Variants in POLR3A observed in about 807,000 individuals in gnomAD.
The protein encoded by POLR3A is DNA-directed RNA polymerase III subunit RPC1.
In POLR3A, 112 loss-of-function variants were observed where a neutral mutation model predicts 152.8. The observed-to-expected ratio is 0.73, with a 90% CI of 0.63 to 0.86. POLR3A has a LOEUF of 0.86. POLR3A is among the 40% of genes least tolerant of loss of function. The probability of loss-of-function intolerance (pLI) is 0.00; values close to 1 mark genes in which losing one functional copy is unlikely to be tolerated. For missense variants in POLR3A, 1,385 were observed against 1,743.1 expected (o/e 0.79, Z 3.66); for synonymous variants, 615 against 652.1 (o/e 0.94, Z 0.87).
chr10:78,005,891 C>T (rs2131946515), intron 15 of POLR3A, among the ~76,000 whole-genome samples: 1 of 152,300 alleles, frequency 6.6e-6, no homozygotes, highest in East Asian at 1.9e-4. Context: ...CAGTCAGCTC[C>T]ATTTCCAATC....
At chr10:78,008,736 G>A (rs1253750165) in intron 14 of POLR3A, among the ~76,000 whole-genome samples, 1 of 152,060 alleles carries the variant, frequency 6.6e-6, no homozygotes, top group African/African-American at 2.4e-5. Context: ...CTGGCTGGGT[G>A]AGGTGGCTCA....
At chr10:78,012,335 G>A (rs979207866) in intron 11 of POLR3A, among the ~76,000 whole-genome samples, 3 of 150,684 alleles carry the variant, frequency 2.0e-5, no homozygotes, top group African/African-American at 7.4e-5. Context: ...TTGCACTCCA[G>A]CCTGGGCAAC....
At chr10:77,997,556 T>A (rs961965663) in intron 19 of POLR3A, among the ~76,000 whole-genome samples, 1 of 152,106 alleles carries the variant, frequency 6.6e-6, no homozygotes, top group Admixed American at 6.6e-5. Flanking sequence ...CCATTCACAA[T>A]TGCTTCAAAG....
chr10:78,017,147 A>T (rs1280478726), intron 10 of POLR3A, among the ~76,000 whole-genome samples: 1 of 151,958 alleles, frequency 6.6e-6, no homozygotes, highest in African/African-American at 2.4e-5. Context: ...AGGTTGGGCC[A>T]GCTGTAGGGG....
intron 1 of POLR3A, 81 bp downstream of exon 1, chr10:78,029,283 G>T: frequency 7.0e-7 from 1 of 1,423,674 alleles, no homozygotes; most frequent in South Asian, 1.1e-5. Flanking sequence ...CCCCATCTCT[G>T]ACCCTGCAAG....
At chr10:77,990,767 C>A (rs954045265) in intron 21 of POLR3A, among the ~76,000 whole-genome samples, 1 of 152,062 alleles carries the variant, frequency 6.6e-6, no homozygotes, top group Non-Finnish European at 1.5e-5. Context: ...GTGCCCGCCA[C>A]CACGCCCGGC....
At chr10:78,019,565 T>C (rs761316191) in intron 8 of POLR3A, 1 of 431,350 alleles carries the variant, frequency 2.3e-6, no homozygotes, top group Non-Finnish European at 4.3e-6. Flanking sequence ...AGGAACCTTC[T>C]GTGATCCTAG....
At chr10:77,997,676 C>T (rs1245913378) in intron 19 of POLR3A, among the ~76,000 whole-genome samples, 1 of 152,136 alleles carries the variant, frequency 6.6e-6, no homozygotes, top group Non-Finnish European at 1.5e-5. Context: ...AAATGGAGAA[C>T]ATTCCATGCT....
chr10:77,983,235 A>G (rs555918787), intron 26 of POLR3A, among the ~76,000 whole-genome samples: 1 of 152,334 alleles, frequency 6.6e-6, no homozygotes, highest in South Asian at 2.1e-4. Context: ...AAGGAGCCAC[A>G]AGGCAGGCAG....
intron 15 of POLR3A, among the ~76,000 whole-genome samples, chr10:78,005,234 C>T (rs1307002342): frequency 5.9e-5 from 9 of 152,200 alleles, no homozygotes; most frequent in African/African-American, 4.8e-5. Context: ...CAGTGGCTCA[C>T]GCCTATAATC....
At chr10:78,013,881 G>A (rs751699045) in intron 10 of POLR3A, 91 bp from the exon 11 acceptor site, 252 of 1,436,220 alleles carry the variant, frequency 1.8e-4, no homozygotes, top group Non-Finnish European at 2.4e-4. Context: ...ATGGCTTCCT[G>A]GAATACTGGG....
intron 23 of POLR3A, 142 bp from the exon 24 acceptor site, chr10:77,985,482 A>G (rs1847187873): frequency 1.4e-6 from 1 of 720,928 alleles, no homozygotes; most frequent in East Asian, 2.6e-5. Flanking sequence ...TGTGACAGAG[A>G]AAAAGCCTGG....
At chr10:77,987,235 C>T (rs1477515518) in intron 21 of POLR3A, among the ~76,000 whole-genome samples, 6 of 152,140 alleles carry the variant, frequency 3.9e-5, no homozygotes, top group Admixed American at 3.3e-4. Context: ...CCTGCCATCC[C>T]GGGAGCTGGC....
intron 30 of POLR3A, among the ~76,000 whole-genome samples, chr10:77,978,707 C>T (rs1210013714): frequency 6.7e-6 from 1 of 148,496 alleles, no homozygotes; most frequent in East Asian, 2.0e-4. Flanking sequence ...GTTGCTCAGG[C>T]TAGAGTGCAG....
chr10:78,024,780 G>A (rs1589319295), intron 4 of POLR3A, 77 bp from the exon 5 acceptor site: 1 of 1,400,116 alleles, frequency 7.1e-7, no homozygotes, highest in East Asian at 2.3e-5. Context: ...TATGGTTAAT[G>A]AAATTACTGA....
chr10:77,983,030 A>G (rs1847163609), intron 26 of POLR3A, among the ~76,000 whole-genome samples: 1 of 152,134 alleles, frequency 6.6e-6, no homozygotes, highest in South Asian at 2.1e-4. Flanking sequence ...AGTTTTTTTC[A>G]CCCACGACAA....
chr10:78,015,259 T>C (rs1196443959), intron 10 of POLR3A, among the ~76,000 whole-genome samples: 2 of 152,348 alleles, frequency 1.3e-5, no homozygotes, highest in East Asian at 3.9e-4. Flanking sequence ...TTGAAAATTA[T>C]TGCATATAGA....
In POLR3A at chr10:77,977,953, C is replaced by T. The variant is rs7901448; in HGVS notation, c.4025-327G>A. 5.5e-3 allele frequency among the ~76,000 whole-genome samples: 840 copies of T among 152,234 alleles called. 9 individuals carry two copies. The highest frequency in any genetic ancestry group is 0.019 in the African/African-American group (786 of 41,528). ...CCCTGCCTTTGAGAACACAACTTAG[C>T]AAGAATACTGAAGGATGCTTAGGAA... is the stretch of plus-strand genomic sequence containing the variant. On this transcript the variant is annotated intron_variant, in intron 30 of 30. Transcript: ENST00000372371.
chr10:78,016,449 C>T (rs1847524950), intron 10 of POLR3A, among the ~76,000 whole-genome samples: 1 of 150,276 alleles, frequency 6.7e-6, no homozygotes, highest in African/African-American at 2.4e-5. Context: ...CACAGTGGCT[C>T]ATGTCTGTAA....
Sources: gnomAD v4.1 joint callset for allele counts (sites outside exome capture counted in the v4.1 genomes callset) on GRCh38, gnomAD v4.1.1 for gene constraint, MANE v1.5 for transcripts, NCBI Gene and HGNC (gene_info 2026-07-23, HGNC 2026-07-21) for gene names.